Variants in FSTL5 observed in about 807,000 individuals in gnomAD.
FSTL5 encodes follistatin-related protein 5.
FSTL5 carries 62 observed loss-of-function variants against 89.1 expected under a neutral mutation model. That is an observed-to-expected ratio of 0.70 (90% CI 0.57 to 0.86). The LOEUF (loss-of-function observed/expected upper bound fraction) is 0.86, where lower values mean the gene tolerates loss of function less well. FSTL5 is among the 40% of genes least tolerant of loss of function. The probability of loss-of-function intolerance (pLI) is 0.00; values close to 1 mark genes in which losing one functional copy is unlikely to be tolerated. For synonymous variants in FSTL5, 383 were observed against 346.2 expected (o/e 1.11, Z -1.18); for missense variants, 1,057 against 1,001.6 (o/e 1.06, Z -0.75).
rs1453625503 is a variant in FSTL5, at chr4:161,385,917, G to A, written c.2374C>T (p.Pro792Ser). 6.2e-7 allele frequency: 1 copy of A among 1,613,860 alleles called. No homozygotes were observed. Among genetic ancestry groups the A allele is most frequent in the Non-Finnish European group, 8.5e-7 (1 of 1,179,880 alleles). ...LKEPLKAEEW[P>S]WNRKNRQIQD... ...ATTTGCCTGTTTTTCCGGTTCCAAG[G>A]CCATTCTTCTGCCTTGAGTGGTTCC... The change falls in exon 16 of 16, where the codon CCT (proline) becomes TCT (serine). Residue 792 changes from proline (P) to serine (S), a missense_variant. Transcript: ENST00000306100.
intron 3 of FSTL5, among the ~76,000 whole-genome samples, chr4:161,947,803 T>A (rs1734776970): frequency 6.6e-6 from 1 of 152,166 alleles, no homozygotes; most frequent in African/African-American, 2.4e-5. Flanking sequence ...AAATTTATAA[T>A]CAATTTGTGA....
At chr4:161,815,870 GT>G (rs1730309930) in intron 4 of FSTL5, among the ~76,000 whole-genome samples, 1 of 152,098 alleles carries the variant, frequency 6.6e-6, no homozygotes, top group Non-Finnish European at 1.5e-5. Context: ...AGGATAGTTT[GT>G]TAAATGTATT....
intron 7 of FSTL5, among the ~76,000 whole-genome samples, chr4:161,617,882 G>T (rs890734976): frequency 2.0e-5 from 3 of 152,136 alleles, no homozygotes; most frequent in Non-Finnish European, 4.4e-5. Flanking sequence ...TGCTTAATGG[G>T]GATGGCACTG....
intron 4 of FSTL5, among the ~76,000 whole-genome samples, chr4:161,779,059 T>G (rs1040956031): frequency 9.9e-5 from 15 of 152,284 alleles, no homozygotes; most frequent in Admixed American, 8.5e-4. Flanking sequence ...TGGCGAGAGA[T>G]GGATGGGAAA....
chr4:161,668,721 C>G (rs1175452492), intron 6 of FSTL5, among the ~76,000 whole-genome samples: 1 of 152,094 alleles, frequency 6.6e-6, no homozygotes, highest in Non-Finnish European at 1.5e-5. Flanking sequence ...ATTTAAAAAT[C>G]AATTAAATGT....
At chr4:161,783,675 TTC>T (rs367611740) in intron 4 of FSTL5, among the ~76,000 whole-genome samples, 2,025 of 9,426 alleles carry the variant, frequency 0.21, 246 homozygotes, top group East Asian at 0.33. Context: ...CTTTCTTTCT[TTC>T]TCTTTCTTTC....
chr4:162,155,001 T>G (rs896680110), intron 1 of FSTL5, among the ~76,000 whole-genome samples: 2 of 152,090 alleles, frequency 1.3e-5, no homozygotes, highest in African/African-American at 4.8e-5. Flanking sequence ...AAGGTTTAAG[T>G]AAAACTTCAA....
At chr4:161,953,107 TTTCTCCCC>T (rs1174720823) in intron 3 of FSTL5, among the ~76,000 whole-genome samples, 1 of 151,702 alleles carries the variant, frequency 6.6e-6, no homozygotes, top group Non-Finnish European at 1.5e-5. Context: ...TTTAGTTCTT[TTTCTCCCC>T]TTAGCAGTTA....
chr4:161,951,096 T>G (rs997915431), intron 3 of FSTL5, among the ~76,000 whole-genome samples: 4 of 151,936 alleles, frequency 2.6e-5, no homozygotes, highest in Admixed American at 1.3e-4. Context: ...ATCTGATGGT[T>G]TTATAAAGGG....
At chr4:161,513,581 A>G (rs938703045) in intron 10 of FSTL5, among the ~76,000 whole-genome samples, 2 of 152,202 alleles carry the variant, frequency 1.3e-5, no homozygotes, top group African/African-American at 4.8e-5. Flanking sequence ...AAGATATGAA[A>G]TCAACCTAAA....
At chr4:161,841,635 C>A (rs1731214430) in intron 4 of FSTL5, among the ~76,000 whole-genome samples, 2 of 152,026 alleles carry the variant, frequency 1.3e-5, no homozygotes, top group South Asian at 4.1e-4. Context: ...GGAAGACAGG[C>A]AACAAATAGA....
At chr4:161,617,409 A>G (rs1356018196) in intron 7 of FSTL5, among the ~76,000 whole-genome samples, 1 of 152,168 alleles carries the variant, frequency 6.6e-6, no homozygotes, top group Non-Finnish European at 1.5e-5. Flanking sequence ...ATAAAGTGAC[A>G]AAACCTATGC....
intron 6 of FSTL5, among the ~76,000 whole-genome samples, chr4:161,661,661 C>T (rs1736716686): frequency 6.6e-6 from 1 of 151,910 alleles, no homozygotes; most frequent in Admixed American, 6.6e-5. Context: ...TTAGACATGC[C>T]AAGATATTCA....
intron 4 of FSTL5, among the ~76,000 whole-genome samples, chr4:161,908,362 T>C (rs1733596190): frequency 6.6e-6 from 1 of 152,102 alleles, no homozygotes; most frequent in Non-Finnish European, 1.5e-5. Flanking sequence ...ATACTTTATC[T>C]TTCTAGATAC....
At chr4:162,125,662 C>T (rs986081866) in intron 1 of FSTL5, among the ~76,000 whole-genome samples, 1 of 152,008 alleles carries the variant, frequency 6.6e-6, no homozygotes, top group East Asian at 1.9e-4. Flanking sequence ...AGAATGAACG[C>T]ATACAGTCTT....
At chr4:162,019,956 A>G (rs1737025510) in intron 3 of FSTL5, among the ~76,000 whole-genome samples, 1 of 150,178 alleles carries the variant, frequency 6.7e-6, no homozygotes, top group East Asian at 1.9e-4. Context: ...ATATAAATAT[A>G]TATATATATA....
At chr4:161,651,371 C>A (rs1376987905) in intron 7 of FSTL5, among the ~76,000 whole-genome samples, 1 of 150,726 alleles carries the variant, frequency 6.6e-6, no homozygotes, top group African/African-American at 2.4e-5. Context: ...TCTCCATTTA[C>A]AGTGGCTATT....
chr4:161,734,024 A>G (rs1472983881), intron 6 of FSTL5, among the ~76,000 whole-genome samples: 4 of 152,068 alleles, frequency 2.6e-5, no homozygotes, highest in Non-Finnish European at 4.4e-5. Context: ...CATGAATAAT[A>G]TTTTTGAATT....
intron 4 of FSTL5, among the ~76,000 whole-genome samples, chr4:161,891,155 AT>A (rs373656753): frequency 0.01 from 1,586 of 151,820 alleles, 22 homozygotes; most frequent in African/African-American, 0.035. Context: ...CTTCTGAAGT[AT>A]TTTTTTTCTT....
Sources: gnomAD v4.1 joint callset for allele counts (sites outside exome capture counted in the v4.1 genomes callset) on GRCh38, gnomAD v4.1.1 for gene constraint, MANE v1.5 for transcripts, NCBI Gene and HGNC (gene_info 2026-07-23, HGNC 2026-07-21) for gene names.